RSPH1: variants seen among roughly 807,000 people sequenced by gnomAD.
RSPH1 encodes radial spoke head component 1, also known as radial spoke head 1 homolog.
RSPH1 carries 32 observed loss-of-function variants against 44.2 expected under a neutral mutation model. That is an observed-to-expected ratio of 0.72 (90% CI 0.55 to 0.97). The LOEUF (loss-of-function observed/expected upper bound fraction) is 0.97. Ranked by LOEUF, RSPH1 falls within the 50% of genes least tolerant of loss-of-function variation. The probability of loss-of-function intolerance (pLI) is 0.00; values close to 1 mark genes in which losing one functional copy is unlikely to be tolerated. For missense variants in RSPH1, 391 were observed against 398.7 expected, an observed-to-expected ratio of 0.98 and a Z score of 0.16; for synonymous variants, 134 against 147.3, an observed-to-expected ratio of 0.91 and a Z score of 0.65.
rs765430105 is a variant in RSPH1 at position 42,493,011 on chromosome 21, C to T, written c.123G>A (p.Gly41=). 1.6e-5 allele frequency: 26 copies of T among 1,614,036 alleles called. No homozygotes were observed. Among genetic ancestry groups the T allele is most frequent in the African/African-American group, 2.7e-5 (2 of 74,906 alleles). ...HGRGRARLPN[G]DTYEGSYEFG... is the part of the protein sequence containing the mutation. ...ATTCGTAGCTCCCTTCGTAGGTGTC[C>T]CCGTTGGGTAGCCGTGCCCTCCCAC... Residue 41 remains glycine (G), a synonymous_variant, in exon 2 of 9, where the codon GGG becomes GGA. Coordinates refer to ENST00000291536, the MANE Select transcript of RSPH1 (RefSeq NM_080860.4).
intron 3 of RSPH1, among the ~76,000 whole-genome samples, chr21:42,488,223 C>T (rs1396994601): frequency 6.6e-6 from 1 of 152,194 alleles, no homozygotes. Flanking sequence ...AAAAATACTT[C>T]AGGTCCCTGA....
intron 6 of RSPH1, among the ~76,000 whole-genome samples, chr21:42,478,350 C>G (rs1030302136): frequency 6.6e-6 from 1 of 152,220 alleles, no homozygotes; most frequent in African/African-American, 2.4e-5. Context: ...AATATGGCCA[C>G]CCATGAAGGG....
In RSPH1 at chr21:42,486,406, A is replaced by G. The variant is rs764308633; in HGVS notation, c.330T>C (p.Asn110=). Residue 110 remains asparagine (N), a synonymous_variant, in exon 4 of 9, where the codon AAT becomes AAC. Transcript: ENST00000291536. ...CAAACCACTCTCCAGTGTAGGTGTCATTATTGATGTAGTAGTATACGCCAT... is the reference window on the plus strand; with the variant it reads ...CAAACCACTCTCCAGTGTAGGTGTCGTTATTGATGTAGTAGTATACGCCAT... The part of the protein sequence containing the change: ...HGHGVYYYIN[N]DTYTGEWFAH... The G allele has an allele frequency of 1.2e-6, 2 of 1,614,080 alleles. No homozygotes were observed. The highest frequency in any genetic ancestry group is 1.7e-5 in the Admixed American group (1 of 60,022).
At chr21:42,473,727 A>G (rs1459426452) in intron 8 of RSPH1, among the ~76,000 whole-genome samples, 1 of 152,084 alleles carries the variant, frequency 6.6e-6, no homozygotes, top group Non-Finnish European at 1.5e-5. Flanking sequence ...CCTATTTTGT[A>G]TTACTCCCTT....
intron 5 of RSPH1, among the ~76,000 whole-genome samples, chr21:42,483,171 A>G (rs1472772772): frequency 6.6e-6 from 1 of 152,076 alleles, no homozygotes. Flanking sequence ...GCCACCTGGT[A>G]CTTTATTTCA....
intron 3 of RSPH1, among the ~76,000 whole-genome samples, chr21:42,489,104 G>A (rs2054209640): frequency 6.6e-6 from 1 of 152,004 alleles, no homozygotes. Context: ...TGGTTGGCTG[G>A]CTGGTTGGTT....
intron 3 of RSPH1, among the ~76,000 whole-genome samples, chr21:42,491,231 T>G (rs1182087086): frequency 6.6e-6 from 1 of 152,114 alleles, no homozygotes; most frequent in African/African-American, 2.4e-5. Flanking sequence ...GGTTGACATC[T>G]GAAGTGGGGC....
chr21:42,490,875 A>C (rs2054229275), intron 3 of RSPH1, among the ~76,000 whole-genome samples: 1 of 152,148 alleles, frequency 6.6e-6, no homozygotes, highest in Non-Finnish European at 1.5e-5. Flanking sequence ...GGTAAAGAAG[A>C]AGGAAGGGGC....
At chr21:42,473,077 C>T (rs2054009586) in intron 8 of RSPH1, among the ~76,000 whole-genome samples, 1 of 152,158 alleles carries the variant, frequency 6.6e-6, no homozygotes, top group Non-Finnish European at 1.5e-5. Flanking sequence ...AAAATACGTA[C>T]TCAAAGTAAA....
At position 42,472,597 on chromosome 21, in the gene RSPH1, A is replaced by G; in HGVS notation, c.*221T>C. Reference sequence around the variant, plus strand: ...CTAATAAAGATTGTTAACTGACAGAAGCATTTTGTTTTTGTTTATTTTTTG... The same window carrying G: ...CTAATAAAGATTGTTAACTGACAGAGGCATTTTGTTTTTGTTTATTTTTTG... On this transcript the variant is annotated 3_prime_UTR_variant, in exon 9 of 9. Coordinates refer to ENST00000291536, the MANE Select transcript of RSPH1 (RefSeq NM_080860.4). The G allele has an allele frequency of 2.5e-6, 1 of 407,298 alleles. No individual in the cohort carries two copies. Among genetic ancestry groups the G allele is most frequent in the East Asian group, 4.0e-5 (1 of 24,924 alleles). The allele number at this position is 407,298 out of a possible 1,614,324, so 25.2% of individuals were successfully genotyped here. A position where few individuals can be genotyped will look rare whatever the true frequency, so the allele number is the denominator to read the frequency against.
At chr21:42,495,163 T>C (rs887819094) in intron 1 of RSPH1, among the ~76,000 whole-genome samples, 1 of 152,260 alleles carries the variant, frequency 6.6e-6, no homozygotes, top group African/African-American at 2.4e-5. Context: ...GACTTTGTCC[T>C]GCTTCTTGCA....
In RSPH1 at chr21:42,477,165, GAT is replaced by G. The variant is rs2054069093; in HGVS notation, c.727+124_727+125del. 1.9e-5 allele frequency: 11 copies of G among 572,260 alleles called. 1 individual carries two copies. The highest frequency in any genetic ancestry group is 4.6e-5 in the South Asian group (2 of 43,584). 35.4% of individuals were successfully genotyped at this position (572,260 alleles called of 1,614,324 possible). A position where few individuals can be genotyped will look rare whatever the true frequency, so the allele number is the denominator to read the frequency against. On this transcript the variant is annotated intron_variant, in intron 7 of 8. Transcript: ENST00000291536. ...TGCCCCCTCCACCCCACAGCCCGGGGATGCCCCACACCCTCTGACCCCTCCAC... is the reference window on the plus strand; with the variant it reads ...TGCCCCCTCCACCCCACAGCCCGGGGGCCCCACACCCTCTGACCCCTCCAC...
At chr21:42,482,745 C>G in intron 5 of RSPH1, 37 bp from the exon 6 acceptor site, 1 of 1,493,654 alleles carries the variant, frequency 6.7e-7, no homozygotes. Context: ...AGTGTCAACA[C>G]CCAGCAGAAA....
intron 7 of RSPH1, among the ~76,000 whole-genome samples, chr21:42,476,927 A>G (rs921147163): frequency 6.6e-6 from 1 of 152,112 alleles, no homozygotes; most frequent in Admixed American, 6.5e-5. Context: ...CAGGATGTCC[A>G]CAACTCCCAC....
intron 5 of RSPH1, chr21:42,484,609 G>A (rs1345952993): frequency 6.6e-6 from 1 of 152,172 alleles, no homozygotes; most frequent in Non-Finnish European, 1.5e-5. Flanking sequence ...CAATTGGAAT[G>A]TACTTGTGTA....
At chr21:42,476,657 C>A (rs1289429470) in intron 7 of RSPH1, among the ~76,000 whole-genome samples, 2 of 152,138 alleles carry the variant, frequency 1.3e-5, no homozygotes, top group Admixed American at 1.3e-4. Context: ...TCAGTGCCAG[C>A]CCGGGGTCAC....
intron 7 of RSPH1, among the ~76,000 whole-genome samples, chr21:42,477,073 A>ACACCCTCTGCCCCCTCCACCCCT (rs2054066339): frequency 1.0e-5 from 1 of 99,006 alleles, no homozygotes; most frequent in African/African-American, 6.1e-5. Context: ...CCTCCACCCC[A>ACACCCTCTGCCCCCTCCACCCCT]CAGCCCGGGG....
intron 8 of RSPH1, 47 bp from the exon 9 acceptor site, chr21:42,472,917 C>A: frequency 7.1e-7 from 1 of 1,402,066 alleles, no homozygotes; most frequent in Non-Finnish European, 1.0e-6. Context: ...TTACTTTGTT[C>A]TATTTTTAAA....
At chr21:42,488,101 A>C (rs1040604219) in intron 3 of RSPH1, among the ~76,000 whole-genome samples, 9 of 152,336 alleles carry the variant, frequency 5.9e-5, no homozygotes, top group Admixed American at 3.3e-4. Context: ...GGAGAGAGGG[A>C]AGGTGGCAAC....
Sources: allele counts gnomAD v4.1 joint callset (sites outside exome capture counted in the v4.1 genomes callset), GRCh38; gene constraint gnomAD v4.1.1; transcripts MANE v1.5; gene names NCBI Gene and HGNC (gene_info 2026-07-23, HGNC 2026-07-21).